Variants in TMEM74 observed in about 807,000 individuals in gnomAD.
The protein encoded by TMEM74 is transmembrane protein 74.
In TMEM74, 13 loss-of-function variants were observed where a neutral mutation model predicts 18.1. The observed-to-expected ratio is 0.72, with a 90% CI of 0.47 to 1.14. TMEM74 has a LOEUF of 1.14. TMEM74 is among the 50% of genes most tolerant of loss of function. TMEM74 has a pLI of 0.00. For missense variants in TMEM74, 372 were observed against 375.9 expected, an observed-to-expected ratio of 0.99 and a Z score of 0.09; for synonymous variants, 159 against 146.6, an observed-to-expected ratio of 1.08 and a Z score of -0.61.
intron 1 of TMEM74, among the ~76,000 whole-genome samples, chr8:108,728,794 C>T (rs1177405640): frequency 6.6e-6 from 1 of 152,138 alleles, no homozygotes; most frequent in African/African-American, 2.4e-5. Context: ...TCTTCAGTCT[C>T]TTATACATAC....
intron 1 of TMEM74, among the ~76,000 whole-genome samples, chr8:108,715,252 A>G (rs1586271059): frequency 1.3e-5 from 2 of 151,990 alleles, no homozygotes; most frequent in East Asian, 1.9e-4. Context: ...AAAGATGGCA[A>G]CACTAGATGC....
Position 108,779,796 on chromosome 8 carries a change from A to T in TMEM74, c.*4385T>A, listed in dbSNP as rs1268468217. ...GCACATAAATCTGCACACAAACATA[A>T]ACCACGAGTACACTCTTGAGTGTAA... is the stretch of plus-strand genomic sequence containing the variant. On this transcript the variant is annotated 3_prime_UTR_variant, in exon 2 of 2. Coordinates refer to ENST00000297459, the MANE Select transcript of TMEM74 (RefSeq NM_153015.3). 6.6e-6 allele frequency among the ~76,000 whole-genome samples: 1 copy of T among 152,206 alleles called. No individual in the cohort carries two copies. Among genetic ancestry groups the T allele is most frequent in the Non-Finnish European group, 1.5e-5 (1 of 68,032 alleles).
chr8:108,641,260 T>C (rs1443600675), intron 2 of TMEM74, among the ~76,000 whole-genome samples: 2 of 152,168 alleles, frequency 1.3e-5, no homozygotes, highest in Non-Finnish European at 2.9e-5. Context: ...GTTTTCTGGT[T>C]GTAATAACAA....
chr8:108,625,437 AG>A lies in TMEM74; in HGVS notation n.265-16612del, dbSNP rs573782919. ...TATTTCTTTCCAGTATTCCCTTGAA[AG>A]TGTTTGCGTCTATTGCTTTCCAGTT... On this transcript the variant is annotated intron_variant and non_coding_transcript_variant, in intron 2 of 3. Coordinates refer to the TMEM74 transcript ENST00000518838. Among the ~76,000 whole-genome samples the A allele has an allele frequency of 1.1e-4, 16 of 152,142 alleles. No individual in the cohort carries two copies. The South Asian group carries it at 3.3e-3, about 32-fold the overall frequency.
intron 1 of TMEM74, among the ~76,000 whole-genome samples, chr8:108,729,816 A>G (rs1813676641): frequency 6.6e-6 from 1 of 152,202 alleles, no homozygotes; most frequent in South Asian, 2.1e-4. Flanking sequence ...ATAAAAATGG[A>G]AGTCATTTTC....
rs566760123 is a variant in TMEM74, at chr8:108,741,055, T to C, written n.119+46421A>G. ...GTGAAACAATATAGATAATATCTTATAAAATTGAATTTTTTTTAAAGCATG... is the reference window on the plus strand; with the variant it reads ...GTGAAACAATATAGATAATATCTTACAAAATTGAATTTTTTTTAAAGCATG... On this transcript the variant is annotated intron_variant and non_coding_transcript_variant, in intron 1 of 3. Coordinates refer to the TMEM74 transcript ENST00000518838. 8.5e-5 allele frequency among the ~76,000 whole-genome samples: 13 copies of C among 152,342 alleles called. No individual in the cohort carries two copies. The East Asian group carries it at 2.5e-3, about 29-fold the overall frequency.
chr8:108,737,940 T>C (rs997004945), intron 1 of TMEM74, among the ~76,000 whole-genome samples: 7 of 152,322 alleles, frequency 4.6e-5, no homozygotes, highest in African/African-American at 1.2e-4. Flanking sequence ...CTTTCAGCCC[T>C]GTACTCACCT....
At chr8:108,627,120 A>G (rs997310108) in intron 2 of TMEM74, among the ~76,000 whole-genome samples, 16 of 152,096 alleles carry the variant, frequency 1.1e-4, no homozygotes, top group African/African-American at 3.6e-4. Flanking sequence ...TGCAAATTCC[A>G]TTTTCTTTCT....
downstream of TMEM74, among the ~76,000 whole-genome samples, chr8:108,777,428 G>C (rs1448527806): frequency 2.0e-5 from 3 of 152,152 alleles, no homozygotes; most frequent in East Asian, 5.8e-4. Context: ...AAGCTTACTT[G>C]AGTCTCATTA....
At chr8:108,759,049 C>T (rs1814009915) in intron 1 of TMEM74, among the ~76,000 whole-genome samples, 1 of 151,908 alleles carries the variant, frequency 6.6e-6, no homozygotes, top group Admixed American at 6.6e-5. Context: ...GCATTCATAA[C>T]ATATGTAAAA....
chr8:108,686,866 G>T (rs1465605758), intron 1 of TMEM74, among the ~76,000 whole-genome samples: 1 of 152,042 alleles, frequency 6.6e-6, no homozygotes, highest in Non-Finnish European at 1.5e-5. Flanking sequence ...AATCCAGAAA[G>T]GAAGATGGTG....
At chr8:108,641,376 C>A (rs1022878865) in intron 2 of TMEM74, among the ~76,000 whole-genome samples, 6 of 152,004 alleles carry the variant, frequency 3.9e-5, no homozygotes, top group Non-Finnish European at 5.9e-5. Flanking sequence ...TTCCTGTAAG[C>A]GTATATGTTT....
Position 108,689,440 on chromosome 8 carries a change from T to A in TMEM74, n.120-34003A>T, listed in dbSNP as rs933304120. 7.9e-5 allele frequency among the ~76,000 whole-genome samples: 12 copies of A among 152,328 alleles called. No homozygotes were observed. The East Asian group carries it at 1.7e-3, about 22-fold the overall frequency. ...CTGTCAAGTATGGTAAGACAGATGA[T>A]CCTATGTAAAATGATATTTTACAAA... On this transcript the variant is annotated intron_variant and non_coding_transcript_variant, in intron 1 of 3. Transcript: ENST00000518838.
At chr8:108,755,679 G>A (rs1347324795) in intron 1 of TMEM74, among the ~76,000 whole-genome samples, 2 of 151,982 alleles carry the variant, frequency 1.3e-5, no homozygotes, top group Non-Finnish European at 2.9e-5. Flanking sequence ...TTTAAGAAAT[G>A]ATTGTGAATT....
At chr8:108,618,398 A>G (rs556693023) in intron 2 of TMEM74, among the ~76,000 whole-genome samples, 1 of 152,276 alleles carries the variant, frequency 6.6e-6, no homozygotes, top group African/African-American at 2.4e-5. Context: ...TTCACTGTAA[A>G]TGGAAAATCA....
At chr8:108,773,481 G>A (rs755579072) in intron 1 of TMEM74, among the ~76,000 whole-genome samples, 6 of 152,138 alleles carry the variant, frequency 3.9e-5, no homozygotes, top group Admixed American at 6.6e-5. Context: ...AAATATGTAC[G>A]CATTCCTTCT....
chr8:108,699,760 G>A (rs1813317395), intron 1 of TMEM74, among the ~76,000 whole-genome samples: 1 of 152,046 alleles, frequency 6.6e-6, no homozygotes, highest in Non-Finnish European at 1.5e-5. Flanking sequence ...CTGTCCTTCT[G>A]GAATTGGGTA....
chr8:108,692,579 T>C lies in TMEM74; in HGVS notation n.120-37142A>G, dbSNP rs531633404. Among the ~76,000 whole-genome samples, 5 of 152,284 alleles carry C rather than the reference T, an allele frequency of 3.3e-5. No individual in the cohort carries two copies. The South Asian group carries it at 1.0e-3, about 32-fold the overall frequency. On this transcript the variant is annotated intron_variant and non_coding_transcript_variant, in intron 1 of 3. Coordinates refer to the TMEM74 transcript ENST00000518838. The stretch of plus-strand genomic sequence containing the variant: ...TGCATTCTAGACCAGACCTGCAACT[T>C]TTAAGTCCAGTCTAATCTACAAAAT...
At chr8:108,629,169 G>C (rs1039638626) in intron 2 of TMEM74, among the ~76,000 whole-genome samples, 1 of 151,914 alleles carries the variant, frequency 6.6e-6, no homozygotes, top group Admixed American at 6.6e-5. Flanking sequence ...AACACAGCAC[G>C]AGAACTTCAT....
Sources: gnomAD v4.1 joint callset for allele counts (sites outside exome capture counted in the v4.1 genomes callset) on GRCh38, gnomAD v4.1.1 for gene constraint, MANE v1.5 for transcripts, NCBI Gene and HGNC (gene_info 2026-07-23, HGNC 2026-07-21) for gene names.